Variants in GRID1 observed in about 807,000 individuals in gnomAD.
The protein encoded by GRID1 is glutamate ionotropic receptor delta type subunit 1, also known as glutamate receptor ionotropic, delta-1.
Under a neutral mutation model 98.0 loss-of-function variants are expected in GRID1, and 28 were observed. That is an observed-to-expected ratio of 0.29 (90% CI 0.21 to 0.39). GRID1 has a LOEUF of 0.39. Among genes scored for constraint, GRID1 ranks in the 10% least tolerant of loss-of-function variants. The pLI, the probability that GRID1 is intolerant of heterozygous loss-of-function variation, is 1.00. For synonymous variants in GRID1, 553 were observed against 538.5 expected (o/e 1.03, Z -0.37); for missense variants, 1,111 against 1,340.5 (o/e 0.83, Z 2.67).
intron 4 of GRID1, among the ~76,000 whole-genome samples, chr10:86,065,153 C>A (rs1843700991): frequency 6.6e-6 from 1 of 152,206 alleles, no homozygotes; most frequent in African/African-American, 2.4e-5. Flanking sequence ...AGATTGCAAC[C>A]CTCTGGCAAT....
At chr10:85,616,298 T>C (rs1213641924) in intron 14 of GRID1, among the ~76,000 whole-genome samples, 1 of 152,230 alleles carries the variant, frequency 6.6e-6, no homozygotes. Context: ...AGAATCTAGA[T>C]GACTTGCCCA....
intron 4 of GRID1, among the ~76,000 whole-genome samples, chr10:86,041,224 C>A (rs556455193): frequency 6.6e-6 from 1 of 152,328 alleles, no homozygotes; most frequent in South Asian, 2.1e-4. Context: ...CTGTTTCCTG[C>A]AAACCAACCC....
At chr10:85,712,096 T>A (rs1344616840) in intron 12 of GRID1, among the ~76,000 whole-genome samples, 1 of 151,676 alleles carries the variant, frequency 6.6e-6, no homozygotes, top group African/African-American at 2.4e-5. Context: ...ACAGAAAACA[T>A]GAGGAACACA....
At chr10:86,236,532 G>C (rs1247612284) in intron 2 of GRID1, among the ~76,000 whole-genome samples, 1 of 152,188 alleles carries the variant, frequency 6.6e-6, no homozygotes, top group Admixed American at 6.5e-5. Flanking sequence ...GAAGTACCCA[G>C]TGCAATACAG....
At chr10:85,792,777 C>T (rs1271851766) in intron 8 of GRID1, among the ~76,000 whole-genome samples, 1 of 152,194 alleles carries the variant, frequency 6.6e-6, no homozygotes, top group East Asian at 1.9e-4. Context: ...GGAAATGACA[C>T]CCAGAGTCCT....
chr10:85,694,852 T>C (rs1215452159), intron 12 of GRID1, among the ~76,000 whole-genome samples: 1 of 151,724 alleles, frequency 6.6e-6, no homozygotes, highest in African/African-American at 2.4e-5. Context: ...AATTACTTAA[T>C]GGGTACAATG....
intron 8 of GRID1, among the ~76,000 whole-genome samples, chr10:85,787,767 C>T (rs1313694838): frequency 1.3e-5 from 2 of 152,142 alleles, no homozygotes; most frequent in African/African-American, 4.8e-5. Context: ...CTGCCAAGCC[C>T]ACCCCGCCTT....
At chr10:85,837,338 T>C (rs1487018540) in intron 8 of GRID1, among the ~76,000 whole-genome samples, 2 of 152,198 alleles carry the variant, frequency 1.3e-5, no homozygotes, top group Non-Finnish European at 2.9e-5. Flanking sequence ...TTCCTCCTAC[T>C]ACCAGCTGCC....
chr10:86,065,809 C>T (rs1179399884), intron 4 of GRID1, among the ~76,000 whole-genome samples: 1 of 152,208 alleles, frequency 6.6e-6, no homozygotes, highest in Non-Finnish European at 1.5e-5. Flanking sequence ...GATATTTCAG[C>T]AGAAGATGAA....
At chr10:85,863,250 A>G (rs35362826) in intron 6 of GRID1, among the ~76,000 whole-genome samples, 8,433 of 152,278 alleles carry the variant, frequency 0.055, 312 homozygotes, top group Non-Finnish European at 0.08. Flanking sequence ...TTTTTGGCTC[A>G]TAAGTGGTGC....
At chr10:86,171,099 G>C (rs1050680977) in intron 3 of GRID1, among the ~76,000 whole-genome samples, 16 of 152,140 alleles carry the variant, frequency 1.1e-4, no homozygotes, top group Admixed American at 1.0e-3. Context: ...AGTTACATCA[G>C]AGCGTCTAGA....
intron 4 of GRID1, among the ~76,000 whole-genome samples, chr10:85,924,408 G>T (rs1841747317): frequency 1.3e-5 from 2 of 152,192 alleles, no homozygotes; most frequent in Admixed American, 1.3e-4. Context: ...GAAACAAAGT[G>T]AACTTAAAGT....
chr10:85,652,118 C>T (rs1182654483), intron 12 of GRID1, among the ~76,000 whole-genome samples: 2 of 152,180 alleles, frequency 1.3e-5, no homozygotes, highest in Non-Finnish European at 2.9e-5. Flanking sequence ...TCTAATTAAA[C>T]ATGCACCTCT....
chr10:85,990,263 C>T (rs966531001), intron 4 of GRID1, among the ~76,000 whole-genome samples: 2 of 152,158 alleles, frequency 1.3e-5, no homozygotes, highest in African/African-American at 4.8e-5. Context: ...CATCTCTGCT[C>T]AGCAGAGAAG....
At chr10:85,640,250 T>A (rs1462079055) in intron 13 of GRID1, among the ~76,000 whole-genome samples, 1 of 152,150 alleles carries the variant, frequency 6.6e-6, no homozygotes, top group African/African-American at 2.4e-5. Context: ...ACAAAAGATA[T>A]AGAGATGAAT....
At chr10:85,909,513 G>T (rs555655331) in intron 5 of GRID1, among the ~76,000 whole-genome samples, 1 of 152,076 alleles carries the variant, frequency 6.6e-6, no homozygotes, top group Non-Finnish European at 1.5e-5. Context: ...CATCAACAGC[G>T]GAACAGATAA....
intron 5 of GRID1, among the ~76,000 whole-genome samples, chr10:85,907,260 T>C (rs1359722421): frequency 1.3e-5 from 2 of 152,020 alleles, no homozygotes; most frequent in Non-Finnish European, 2.9e-5. Flanking sequence ...TACAGGGGTG[T>C]ATCACCACAC....
At chr10:86,236,187 CT>C (rs1366251663) in intron 2 of GRID1, among the ~76,000 whole-genome samples, 1 of 152,126 alleles carries the variant, frequency 6.6e-6, no homozygotes, top group Non-Finnish European at 1.5e-5. Flanking sequence ...ATCTGTATCT[CT>C]TTTTTGGTGA....
intron 12 of GRID1, among the ~76,000 whole-genome samples, chr10:85,706,954 A>T (rs1841526943): frequency 6.6e-6 from 1 of 152,208 alleles, no homozygotes; most frequent in Non-Finnish European, 1.5e-5. Context: ...CTTATACTAA[A>T]ATTAATTCAA....
Sources: allele counts gnomAD v4.1 joint callset (sites outside exome capture counted in the v4.1 genomes callset), GRCh38; gene constraint gnomAD v4.1.1; transcripts MANE v1.5; gene names NCBI Gene and HGNC (gene_info 2026-07-23, HGNC 2026-07-21).